The following PACSIN1 variants were observed in gnomAD, a reference collection of about 807,000 sequenced individuals.
PACSIN1 encodes the protein protein kinase C and casein kinase substrate in neurons protein 1.
PACSIN1 carries 15 observed loss-of-function variants against 59.5 expected under a neutral mutation model. The observed-to-expected ratio is 0.25, with a 90% CI of 0.17 to 0.39. The LOEUF (loss-of-function observed/expected upper bound fraction) is 0.39, where lower values mean the gene tolerates loss of function less well. Ranked by LOEUF, PACSIN1 falls within the 10% of genes least tolerant of loss-of-function variation. The probability of loss-of-function intolerance (pLI) is 1.00; values close to 1 mark genes in which losing one functional copy is unlikely to be tolerated. For missense variants in PACSIN1, 420 were observed against 580.2 expected, an observed-to-expected ratio of 0.72 and a Z score of 2.84; for synonymous variants, 210 against 220.6, an observed-to-expected ratio of 0.95 and a Z score of 0.42.
In PACSIN1 at chr6:34,527,427, G is replaced by A. The variant is rs775508344; in HGVS notation, c.159G>A (p.Glu53=). The A allele has an allele frequency of 2.5e-6, 4 of 1,598,942 alleles. No homozygotes were observed. In the South Asian group the frequency reaches 4.5e-5, roughly 18 times the overall value. Residue 53 remains glutamate, a synonymous_variant, in exon 3 of 10, where the codon GAG becomes GAA. Coordinates refer to ENST00000244458, the MANE Select transcript of PACSIN1 (RefSeq NM_020804.5). The stretch of plus-strand genomic sequence containing the variant: ...GCGTGCAGGAGCGCGCCAAGATCGA[G>A]AAGGCGTACGGGCAGCAGCTCACCG... ...MNCVQERAKI[E]KAYGQQLTDW...
chr6:34,522,412 C>G (rs1045142162), intron 1 of PACSIN1, among the ~76,000 whole-genome samples: 7 of 152,220 alleles, frequency 4.6e-5, no homozygotes, highest in African/African-American at 1.7e-4. Context: ...GTCAACACCT[C>G]TCTATGTAAT....
Position 34,531,625 on chromosome 6 carries a change from C to T in PACSIN1, c.1063C>T (p.Pro355Ser), listed in dbSNP as rs1273398356. ...GSVSSYDRGQ[P>S]YATEWSDDES... ...TGTTAGCAGCTACGACAGAGGCCAG[C>T]CCTACGCCACCGAGTGGTCAGACGA... The change falls in exon 9 of 10, where the codon CCC (proline) becomes TCC (serine). Residue 355 changes from proline (P) to serine (S), a missense_variant. Transcript: ENST00000244458. The surrounding 1 kb of genome is among the most constrained non-coding windows in gnomAD (Gnocchi z 4.4). 6.2e-7 allele frequency: 1 copy of T among 1,613,972 alleles called. No individual in the cohort carries two copies. Among genetic ancestry groups the T allele is most frequent in the Admixed American group, 1.7e-5 (1 of 60,020 alleles).
intron 1 of PACSIN1, among the ~76,000 whole-genome samples, chr6:34,492,194 C>A (rs1321589683): frequency 8.2e-6 from 1 of 121,484 alleles, no homozygotes; most frequent in African/African-American, 2.9e-5. Context: ...TCTTTTTTGA[C>A]CTTTTTTTTT....
rs1034544222 is a variant in PACSIN1 at position 34,525,133 on chromosome 6, C to G, written c.-63-1110C>G. On this transcript the variant is annotated intron_variant, in intron 1 of 9. Coordinates refer to ENST00000244458, the MANE Select transcript of PACSIN1 (RefSeq NM_020804.5). The surrounding 1 kb of genome is among the most constrained non-coding windows in gnomAD (Gnocchi z 4.9). ...AAAAATTCAGACTCATTTCTTTGTC[C>G]CTTGATGAAATCCAGCCGTCCTCCC... is the stretch of plus-strand genomic sequence containing the variant. Among the ~76,000 whole-genome samples, 3 of 152,196 alleles carry G rather than the reference C, an allele frequency of 2.0e-5. No homozygotes were observed. Among genetic ancestry groups the G allele is most frequent in the Non-Finnish European group, 4.4e-5 (3 of 68,038 alleles).
At position 34,531,880 on chromosome 6, in the gene PACSIN1, G is replaced by A; in HGVS notation, c.1225+93G>A. The A allele has an allele frequency of 8.1e-7, 1 of 1,239,696 alleles. No homozygotes were observed. Among genetic ancestry groups the A allele is most frequent in the Non-Finnish European group, 1.1e-6 (1 of 895,852 alleles). 76.8% of individuals were successfully genotyped at this position (1,239,696 alleles called of 1,614,324 possible). A position where few individuals can be genotyped will look rare whatever the true frequency, so the allele number is the denominator to read the frequency against. ...GGGCGGTGCCTGAGAGAGAAGCTTG[G>A]GTCTGGATTGGGTGTGTGGTGGTGC... On this transcript the variant is annotated intron_variant, in intron 9 of 9. Coordinates refer to ENST00000244458, the MANE Select transcript of PACSIN1 (RefSeq NM_020804.5). This position sits in a 1 kb window ranked among gnomAD's most constrained non-coding sequence, Gnocchi z 4.4.
At chr6:34,513,187 T>C (rs776546192) in intron 1 of PACSIN1, among the ~76,000 whole-genome samples, 2 of 152,230 alleles carry the variant, frequency 1.3e-5, no homozygotes, top group Non-Finnish European at 2.9e-5. Context: ...ATTTTTCTCT[T>C]ATCTCTTGGC....
chr6:34,505,883 T>G (rs1253720342), intron 1 of PACSIN1, among the ~76,000 whole-genome samples: 1 of 151,858 alleles, frequency 6.6e-6, no homozygotes, highest in Non-Finnish European at 1.5e-5. Flanking sequence ...CTGCCTGTCT[T>G]GGACTTCCAA....
chr6:34,496,513 C>A (rs1373098606), intron 1 of PACSIN1, among the ~76,000 whole-genome samples: 2 of 152,188 alleles, frequency 1.3e-5, no homozygotes, highest in East Asian at 3.9e-4. Context: ...CTCCTTAGTG[C>A]TCCTTCAGCT....
rs561024832 is a variant in PACSIN1, at chr6:34,524,004, C to T, written c.-63-2239C>T. ...CATTTCCCAGCAAGGCCCAGAGAGG[C>T]CTGCGAATTGCCCATGGTCACACAG... On this transcript the variant is annotated intron_variant, in intron 1 of 9. Coordinates refer to ENST00000244458, the MANE Select transcript of PACSIN1 (RefSeq NM_020804.5). Among the ~76,000 whole-genome samples, 3 of 152,324 alleles carry T rather than the reference C, an allele frequency of 2.0e-5. No individual in the cohort carries two copies. In the South Asian group the frequency reaches 6.2e-4, roughly 32 times the overall value.
rs981078943 is a variant in PACSIN1 at position 34,518,352 on chromosome 6, C to T, written c.-63-7891C>T. On this transcript the variant is annotated intron_variant, in intron 1 of 9. Coordinates refer to ENST00000244458, the MANE Select transcript of PACSIN1 (RefSeq NM_020804.5). This position sits in a 1 kb window ranked among gnomAD's most constrained non-coding sequence, Gnocchi z 4.4. ...AGGCAGTGGGCTCAGGACAGACAGA[C>T]GGACCCCTGCAGAGTGGCCAAGTGT... 1.3e-5 allele frequency among the ~76,000 whole-genome samples: 2 copies of T among 152,206 alleles called. No individual in the cohort carries two copies. The highest frequency in any genetic ancestry group is 4.8e-5 in the African/African-American group (2 of 41,440).
chr6:34,489,653 G>A (rs1766846121), intron 1 of PACSIN1, among the ~76,000 whole-genome samples: 1 of 152,146 alleles, frequency 6.6e-6, no homozygotes, highest in African/African-American at 2.4e-5. Flanking sequence ...ACTACCACTG[G>A]ATGTCCTGTG....
intron 1 of PACSIN1, among the ~76,000 whole-genome samples, chr6:34,497,226 C>T (rs758273634): frequency 3.3e-5 from 5 of 151,952 alleles, no homozygotes; most frequent in Non-Finnish European, 4.4e-5. Flanking sequence ...CTGGGATTAC[C>T]GGCTGAGCCC....
intron 1 of PACSIN1, among the ~76,000 whole-genome samples, chr6:34,510,303 C>G (rs1454688509): frequency 6.6e-6 from 1 of 152,232 alleles, no homozygotes; most frequent in African/African-American, 2.4e-5. Context: ...GTTTGGATCC[C>G]TTTCTCCCCG....
At position 34,527,457 on chromosome 6, in the gene PACSIN1, G is replaced by T; in HGVS notation, c.189G>T (p.Trp63Cys). The T allele has an allele frequency of 6.3e-7, 1 of 1,596,662 alleles. No individual in the cohort carries two copies. The highest frequency in any genetic ancestry group is 1.7e-5 in the Admixed American group (1 of 57,356). ...EKAYGQQLTD[W>C]AKRWRQLIEK... The stretch of plus-strand genomic sequence containing the variant: ...CGTACGGGCAGCAGCTCACCGACTG[G>T]GCCAAGCGTTGGCGCCAGCTCATCG... Residue 63 changes from tryptophan (W) to cysteine (C), a missense_variant, in exon 3 of 10, where the codon TGG (tryptophan) becomes TGT (cysteine). Physicochemically the swap from Trp to Cys is radical, Grantham distance 215 (BLOSUM62 -2). Coordinates refer to ENST00000244458, the MANE Select transcript of PACSIN1 (RefSeq NM_020804.5).
intron 1 of PACSIN1, among the ~76,000 whole-genome samples, chr6:34,499,581 G>A (rs1766994737): frequency 6.6e-6 from 1 of 152,062 alleles, no homozygotes; most frequent in Admixed American, 6.5e-5. Flanking sequence ...ATCACTTGAG[G>A]TCAGGAGTTT....
chr6:34,506,266 G>A (rs1038424555), intron 1 of PACSIN1, among the ~76,000 whole-genome samples: 3 of 152,104 alleles, frequency 2.0e-5, no homozygotes, highest in African/African-American at 7.2e-5. Context: ...TGCCCAGGCT[G>A]GAGTGCAATG....
At chr6:34,507,323 T>G (rs572432998) in intron 1 of PACSIN1, among the ~76,000 whole-genome samples, 3 of 152,108 alleles carry the variant, frequency 2.0e-5, no homozygotes, top group Non-Finnish European at 4.4e-5. Flanking sequence ...AGATCTCTAG[T>G]CAGTCTGTCT....
At chr6:34,469,393 C>T (rs921274631) in intron 1 of PACSIN1, among the ~76,000 whole-genome samples, 2 of 151,712 alleles carry the variant, frequency 1.3e-5, no homozygotes, top group Non-Finnish European at 2.9e-5. Context: ...CAGGATGGAC[C>T]GGAGGGGAGG....
chr6:34,495,508 A>G (rs1561960853), intron 1 of PACSIN1, among the ~76,000 whole-genome samples: 1 of 150,776 alleles, frequency 6.6e-6, no homozygotes, highest in Non-Finnish European at 1.5e-5. Flanking sequence ...GCTAAAGTGC[A>G]GTGGCACTAT....
Sources: gnomAD v4.1 joint callset for allele counts (sites outside exome capture counted in the v4.1 genomes callset) on GRCh38, gnomAD v4.1.1 for gene constraint, Gnocchi (gnomAD v3.1) non-coding constraint, MANE v1.5 for transcripts, NCBI Gene and HGNC (gene_info 2026-07-23, HGNC 2026-07-21) for gene names.